The following CLVS1 variants were observed in gnomAD, a reference collection of about 807,000 sequenced individuals.
The protein encoded by CLVS1 is clavesin-1.
A neutral mutation model predicts 33.1 loss-of-function variants in CLVS1; 10 were observed. That is an observed-to-expected ratio of 0.30 (90% CI 0.19 to 0.51). The LOEUF is 0.51. Among genes scored for constraint, CLVS1 ranks in the 20% least tolerant of loss-of-function variants. The pLI is 0.97. For synonymous variants in CLVS1, 163 were observed against 166.1 expected (o/e 0.98, Z 0.14); for missense variants, 343 against 433.4 (o/e 0.79, Z 1.85).
intron 2 of CLVS1, among the ~76,000 whole-genome samples, chr8:61,244,698 G>T (rs527336007): frequency 1.0e-3 from 153 of 152,272 alleles, no homozygotes; most frequent in Admixed American, 1.5e-3. Context: ...ATGAATGCAA[G>T]ACATTAATAA....
intron 3 of CLVS1, among the ~76,000 whole-genome samples, chr8:61,389,796 T>G (rs1161727371): frequency 6.6e-6 from 1 of 152,206 alleles, no homozygotes; most frequent in Non-Finnish European, 1.5e-5. Flanking sequence ...ATTAGAGAGA[T>G]GTTCATCTAA....
chr8:61,214,122 A>G (rs1488249820), intron 2 of CLVS1, among the ~76,000 whole-genome samples: 1 of 152,170 alleles, frequency 6.6e-6, no homozygotes, highest in Non-Finnish European at 1.5e-5. Flanking sequence ...TCAAAACCCT[A>G]TCTCCTGATA....
intron 2 of CLVS1, among the ~76,000 whole-genome samples, chr8:61,169,196 G>A (rs1018843034): frequency 2.6e-5 from 4 of 152,110 alleles, no homozygotes; most frequent in Non-Finnish European, 5.9e-5. Flanking sequence ...CAGGGGTATG[G>A]CAGGGCACAG....
At chr8:61,388,444 A>G (rs879581536) in intron 3 of CLVS1, among the ~76,000 whole-genome samples, 24 of 151,776 alleles carry the variant, frequency 1.6e-4, no homozygotes, top group Non-Finnish European at 2.9e-4. Flanking sequence ...TATATTTAGA[A>G]TTTATTAAAT....
intron 3 of CLVS1, among the ~76,000 whole-genome samples, chr8:61,402,643 G>T (rs376265793): frequency 3.9e-5 from 6 of 152,300 alleles, no homozygotes; most frequent in African/African-American, 1.4e-4. Flanking sequence ...AACAATTATT[G>T]TGTGCTAACA....
chr8:61,419,977 G>C (rs879460240), intron 3 of CLVS1, among the ~76,000 whole-genome samples: 6 of 152,224 alleles, frequency 3.9e-5, no homozygotes, highest in Admixed American at 3.3e-4. Context: ...ATGGTAAAGA[G>C]CAAGTAACCT....
intron 2 of CLVS1, among the ~76,000 whole-genome samples, chr8:61,183,102 C>A (rs1209614249): frequency 6.7e-6 from 1 of 149,720 alleles, no homozygotes; most frequent in East Asian, 1.9e-4. Flanking sequence ...ACAATGAGAA[C>A]ACATGGGCAC....
chr8:61,302,015 T>C (rs1488950591), intron 2 of CLVS1, among the ~76,000 whole-genome samples: 2 of 152,158 alleles, frequency 1.3e-5, no homozygotes, highest in African/African-American at 4.8e-5. Context: ...AACCTAAAAA[T>C]ATATCAACCC....
intron 1 of CLVS1, among the ~76,000 whole-genome samples, chr8:61,118,788 C>T (rs549566504): frequency 4.6e-5 from 7 of 152,272 alleles, no homozygotes; most frequent in African/African-American, 1.7e-4. Context: ...AGCTTTACTT[C>T]CAACTATGTG....
chr8:61,242,455 A>G (rs1808715943), intron 2 of CLVS1, among the ~76,000 whole-genome samples: 2 of 151,978 alleles, frequency 1.3e-5, no homozygotes, highest in African/African-American at 4.8e-5. Context: ...TTAAATTTTC[A>G]GGTATTCTCC....
chr8:61,049,530 G>T, the CLVS1 span, among the ~76,000 whole-genome samples: 1 of 152,216 alleles, frequency 6.6e-6, no homozygotes, highest in Admixed American at 6.5e-5. Context: ...CGATAGGAAA[G>T]TCACCTTTAC....
chr8:61,169,149 C>T (rs1445055075), intron 2 of CLVS1, among the ~76,000 whole-genome samples: 1 of 152,072 alleles, frequency 6.6e-6, no homozygotes, highest in Non-Finnish European at 1.5e-5. Context: ...ACCAGTTCAG[C>T]TTTTAGTGTG....
At chr8:61,036,944 G>C in the CLVS1 span, among the ~76,000 whole-genome samples, 30 of 152,264 alleles carry the variant, frequency 2.0e-4, no homozygotes, top group African/African-American at 7.0e-4. Context: ...GAGATGTGGG[G>C]TGACATGATG....
At chr8:61,243,813 G>C (rs1361248525) in intron 2 of CLVS1, among the ~76,000 whole-genome samples, 1 of 152,104 alleles carries the variant, frequency 6.6e-6, no homozygotes, top group Non-Finnish European at 1.5e-5. Context: ...TGGTTTATCT[G>C]TTTCATTAAT....
At chr8:61,175,017 T>C (rs1173626448) in intron 2 of CLVS1, among the ~76,000 whole-genome samples, 1 of 136,794 alleles carries the variant, frequency 7.3e-6, no homozygotes, top group Non-Finnish European at 1.6e-5. Context: ...TGGTTGCTTC[T>C]GGCTTGCAAG....
intron 5 of CLVS1, among the ~76,000 whole-genome samples, chr8:61,488,463 A>G (rs970634667): frequency 1.3e-5 from 2 of 152,180 alleles, no homozygotes; most frequent in African/African-American, 2.4e-5. Flanking sequence ...CCACTGCTCC[A>G]TATCTATTTT....
chr8:61,224,298 G>T (rs183199957), intron 2 of CLVS1, among the ~76,000 whole-genome samples: 3 of 152,052 alleles, frequency 2.0e-5, no homozygotes, highest in Admixed American at 6.6e-5. Context: ...TCTCAACTTC[G>T]TGAGTTTGTC....
chr8:61,213,499 A>G (rs1808014916), intron 2 of CLVS1, among the ~76,000 whole-genome samples: 1 of 150,378 alleles, frequency 6.6e-6, no homozygotes, highest in Non-Finnish European at 1.5e-5. Context: ...CATTGTGAAG[A>G]TTTCATGGGC....
chr8:61,454,071 T>C lies in CLVS1; in HGVS notation c.631-70T>C, dbSNP rs1256540228. The C allele has an allele frequency of 2.5e-5, 26 of 1,055,462 alleles. No homozygotes were observed. In the East Asian group the frequency reaches 5.2e-4, roughly 21 times the overall value. 65.4% of individuals were successfully genotyped at this position (1,055,462 alleles called of 1,614,324 possible). On this transcript the variant is annotated intron_variant, in intron 3 of 5. Coordinates refer to ENST00000325897, the MANE Select transcript of CLVS1 (RefSeq NM_173519.3). ...GAAAAACAGGTTGTTCTTTGGGGCA[T>C]TGGTCCTGCTGGTCCAGTCTAACAA...
Sources: gnomAD v4.1 joint callset for allele counts (sites outside exome capture counted in the v4.1 genomes callset) on GRCh38, gnomAD v4.1.1 for gene constraint, MANE v1.5 for transcripts, NCBI Gene and HGNC (gene_info 2026-07-23, HGNC 2026-07-21) for gene names.